Variants in ANKS1A observed in about 807,000 individuals in gnomAD.
ANKS1A encodes ankyrin repeat and sterile alpha motif domain containing 1A.
A neutral mutation model predicts 120.3 loss-of-function variants in ANKS1A; 55 were observed. The observed-to-expected ratio is 0.46, with a 90% confidence interval of 0.37 to 0.57. The LOEUF (loss-of-function observed/expected upper bound fraction) is 0.57, where lower values mean the gene tolerates loss of function less well. Among genes scored for constraint, ANKS1A ranks in the 20% least tolerant of loss-of-function variants. The pLI is 0.00. For missense variants in ANKS1A, 1,123 were observed against 1,480.3 expected, an observed-to-expected ratio of 0.76 and a Z score of 3.96; for synonymous variants, 590 against 604.7, an observed-to-expected ratio of 0.98 and a Z score of 0.36.
chr6:35,091,561 C>T (rs913272280), downstream of ANKS1A: 5 of 429,672 alleles, frequency 1.2e-5, no homozygotes, highest in African/African-American at 2.2e-5. Context: ...CTTTCTGTCT[C>T]GCACTCTCTA....
intron 3 of ANKS1A, among the ~76,000 whole-genome samples, chr6:34,978,046 C>T (rs1771695849): frequency 6.6e-6 from 1 of 152,072 alleles, no homozygotes; most frequent in African/African-American, 2.4e-5. Flanking sequence ...ACAACCTCTG[C>T]CTCCCAGGTT....
chr6:35,074,544 T>G (rs1777248134), intron 13 of ANKS1A, among the ~76,000 whole-genome samples: 2 of 151,978 alleles, frequency 1.3e-5, no homozygotes, highest in East Asian at 3.9e-4. Context: ...CAGTGAGCCA[T>G]CATCACACCA....
At position 35,090,539 on chromosome 6, in the gene ANKS1A, A is replaced by G; in HGVS notation, c.*1930A>G. ...CTTTATTTATTCAGGGTATTTTCAT[A>G]TTGGAAGCCTTGGCTAGTCTGCTCT... is the stretch of plus-strand genomic sequence containing the variant. On this transcript the variant is annotated 3_prime_UTR_variant, in exon 24 of 24. Coordinates refer to ENST00000360359, the MANE Select transcript of ANKS1A (RefSeq NM_015245.3). The G allele has an allele frequency of 9.7e-7, 1 of 1,034,146 alleles. No individual in the cohort carries two copies. Among genetic ancestry groups the G allele is most frequent in the Non-Finnish European group, 1.2e-6 (1 of 859,476 alleles). The allele number at this position is 1,034,146 out of a possible 1,614,324, so 64.1% of individuals were successfully genotyped here.
At position 35,086,058 on chromosome 6, in the gene ANKS1A, A is replaced by T. The variant is rs757274176; in HGVS notation, c.3303+122A>T. On this transcript the variant is annotated intron_variant, in intron 22 of 23. Transcript: ENST00000360359. This position sits in a 1 kb window ranked among gnomAD's most constrained non-coding sequence, Gnocchi z 5.1. ...AGAAAGCTGGCCCTCCAGGGAAATG[A>T]CCCTCTTAATTGTCCCCCAACCCTG... is the stretch of plus-strand genomic sequence containing the variant. The T allele has an allele frequency of 5.1e-6, 7 of 1,369,590 alleles. No individual in the cohort carries two copies. The highest frequency in any genetic ancestry group is 6.8e-6 in the Non-Finnish European group (7 of 1,036,630). The allele number at this position is 1,369,590 out of a possible 1,614,324, so 84.8% of individuals were successfully genotyped here.
intron 1 of ANKS1A, among the ~76,000 whole-genome samples, chr6:34,928,875 C>T (rs1398877694): frequency 6.6e-6 from 1 of 152,234 alleles, no homozygotes. Flanking sequence ...AGGAAAGTCA[C>T]ATGGTAACAT....
intron 1 of ANKS1A, among the ~76,000 whole-genome samples, chr6:34,961,884 G>C (rs1295612710): frequency 2.0e-5 from 3 of 152,170 alleles, no homozygotes; most frequent in Non-Finnish European, 4.4e-5. Context: ...TGTTGTTCCA[G>C]TTAGATCAGA....
At chr6:35,094,397 G>A (rs924225228), downstream of ANKS1A, among the ~76,000 whole-genome samples, 22 of 150,580 alleles carry the variant, frequency 1.5e-4, no homozygotes, top group Non-Finnish European at 2.4e-4. Context: ...CCGAGATTGC[G>A]TCACTGCACT....
At chr6:35,012,073 C>T (rs1289317041) in intron 10 of ANKS1A, among the ~76,000 whole-genome samples, 1 of 152,158 alleles carries the variant, frequency 6.6e-6, no homozygotes, top group African/African-American at 2.4e-5. Context: ...TTCTGCTATT[C>T]ATGTTCTTAA....
At chr6:35,019,529 T>C (rs561817120) in intron 11 of ANKS1A, among the ~76,000 whole-genome samples, 1 of 152,322 alleles carries the variant, frequency 6.6e-6, no homozygotes, top group East Asian at 1.9e-4. Context: ...CAAAAGATTT[T>C]CATTGCTTAG....
rs116969747 is a variant in ANKS1A at position 34,922,555 on chromosome 6, C to T, written c.197+32956C>T. Among the ~76,000 whole-genome samples the T allele has an allele frequency of 4.2e-4, 64 of 152,276 alleles. 1 individual carries two copies. In the East Asian group the frequency reaches 0.012, roughly 28 times the overall value. ...GTCTTTGCAGGATGAAGACTTTCCT[C>T]CACACAACATAAAAGCCCTTATAGC... On this transcript the variant is annotated intron_variant, in intron 1 of 23. Transcript: ENST00000360359.
At chr6:35,041,204 A>G (rs564477074) in intron 11 of ANKS1A, among the ~76,000 whole-genome samples, 1 of 152,272 alleles carries the variant, frequency 6.6e-6, no homozygotes, top group East Asian at 1.9e-4. Flanking sequence ...TATTGTCTTG[A>G]GGTTGTAGCT....
chr6:35,032,655 G>A (rs1013191627), intron 11 of ANKS1A, among the ~76,000 whole-genome samples: 3 of 152,150 alleles, frequency 2.0e-5, no homozygotes, highest in Admixed American at 6.5e-5. Context: ...GGCATAGATA[G>A]GTATCTGTTT....
intron 13 of ANKS1A, among the ~76,000 whole-genome samples, chr6:35,065,576 G>A (rs985074343): frequency 2.0e-5 from 3 of 152,214 alleles, no homozygotes; most frequent in Non-Finnish European, 2.9e-5. Flanking sequence ...CTCAGGTGGC[G>A]TGGAGCTGGG....
At chr6:35,047,682 T>G (rs1290603134) in intron 11 of ANKS1A, among the ~76,000 whole-genome samples, 2 of 152,244 alleles carry the variant, frequency 1.3e-5, no homozygotes, top group Non-Finnish European at 2.9e-5. Context: ...CAGAGTTATG[T>G]GGCAAGCAGT....
Position 35,088,676 on chromosome 6 carries a change from C to T in ANKS1A, c.*67C>T. 1 of 1,613,580 alleles carries T rather than the reference C, an allele frequency of 6.2e-7. No homozygotes were observed. The highest frequency in any genetic ancestry group is 2.2e-5 in the East Asian group (1 of 44,864). On this transcript the variant is annotated 3_prime_UTR_variant, in exon 24 of 24. Transcript: ENST00000360359. The stretch of plus-strand genomic sequence containing the variant: ...GGGGCATAGGCTCCCACTGCCACCA[C>T]CGCCATCGCCTCACCTGCAGCTCTG...
chr6:35,008,587 T>C (rs192387394), intron 10 of ANKS1A, among the ~76,000 whole-genome samples: 71 of 152,342 alleles, frequency 4.7e-4, no homozygotes, highest in African/African-American at 1.6e-3. Flanking sequence ...AATTTAGGTT[T>C]CTGAGTTGGA....
chr6:35,030,276 C>T (rs1038392731), intron 11 of ANKS1A, among the ~76,000 whole-genome samples: 3 of 152,228 alleles, frequency 2.0e-5, no homozygotes, highest in Non-Finnish European at 2.9e-5. Flanking sequence ...TGAAGGAAAG[C>T]AACTTACGAA....
intron 10 of ANKS1A, among the ~76,000 whole-genome samples, chr6:35,003,848 T>C (rs1417825050): frequency 6.6e-6 from 1 of 152,106 alleles, no homozygotes; most frequent in African/African-American, 2.4e-5. Flanking sequence ...CCCTCTCATA[T>C]TGTTTTATAT....
In ANKS1A at chr6:35,089,265, C is replaced by T. The variant is rs781441435; in HGVS notation, c.*656C>T. 35 of 987,096 alleles carry T rather than the reference C, an allele frequency of 3.5e-5. No individual in the cohort carries two copies. The highest frequency in any genetic ancestry group is 5.2e-4 in the Middle Eastern group (1 of 1,938). 61.1% of individuals were successfully genotyped at this position (987,096 alleles called of 1,614,324 possible). On this transcript the variant is annotated 3_prime_UTR_variant, in exon 24 of 24. Transcript: ENST00000360359. Reference sequence around the variant, plus strand: ...GGCACCTGAGCAACTCAAAGGTTTCCGGTCCATTTCTGGGGTTCCCGATGG... The same window carrying T: ...GGCACCTGAGCAACTCAAAGGTTTCTGGTCCATTTCTGGGGTTCCCGATGG...
Sources: allele counts gnomAD v4.1 joint callset (sites outside exome capture counted in the v4.1 genomes callset), GRCh38; gene constraint gnomAD v4.1.1; non-coding constraint Gnocchi (gnomAD v3.1); transcripts MANE v1.5; gene names NCBI Gene and HGNC (gene_info 2026-07-23, HGNC 2026-07-21).